Variants in TNFAIP8 observed in about 807,000 individuals in gnomAD.
TNFAIP8 encodes TNF alpha induced protein 8.
In TNFAIP8, 7 loss-of-function variants were observed where a neutral mutation model predicts 13.3. The observed-to-expected ratio is 0.52, with a 90% confidence interval of 0.30 to 0.99. The LOEUF (loss-of-function observed/expected upper bound fraction) is 0.99. Ranked by LOEUF, TNFAIP8 falls within the 50% of genes least tolerant of loss-of-function variation. TNFAIP8 has a pLI of 0.07. For missense variants in TNFAIP8, 258 were observed against 236.9 expected (o/e 1.09, Z -0.58); for synonymous variants, 94 against 87.6 (o/e 1.07, Z -0.41).
At chr5:119,331,547 C>T (rs571815895) in intron 1 of TNFAIP8, among the ~76,000 whole-genome samples, 2 of 152,162 alleles carry the variant, frequency 1.3e-5, no homozygotes, top group African/African-American at 2.4e-5. Flanking sequence ...GAGTTTCCTG[C>T]TGGGTGTAGA....
chr5:119,325,486 C>T (rs1057458894), intron 1 of TNFAIP8, among the ~76,000 whole-genome samples: 7 of 152,168 alleles, frequency 4.6e-5, no homozygotes, highest in African/African-American at 9.7e-5. Flanking sequence ...CTCACTCTGT[C>T]GCCCAGGCTG....
At chr5:119,375,529 C>T (rs976763062) in intron 1 of TNFAIP8, among the ~76,000 whole-genome samples, 3 of 152,200 alleles carry the variant, frequency 2.0e-5, no homozygotes, top group Non-Finnish European at 4.4e-5. Context: ...AGTAATTAAT[C>T]TTCAAGACAG....
At chr5:119,366,055 G>C (rs1751840716) in intron 1 of TNFAIP8, among the ~76,000 whole-genome samples, 2 of 152,084 alleles carry the variant, frequency 1.3e-5, no homozygotes, top group South Asian at 4.2e-4. Flanking sequence ...GAGCAACAGG[G>C]TGGGTGGGAT....
chr5:119,348,166 G>C (rs1371867261), intron 1 of TNFAIP8, among the ~76,000 whole-genome samples: 1 of 152,170 alleles, frequency 6.6e-6, no homozygotes, highest in Non-Finnish European at 1.5e-5. Context: ...TGGGTGTCTT[G>C]AGCAGAGCTG....
intron 1 of TNFAIP8, among the ~76,000 whole-genome samples, chr5:119,342,959 C>T (rs1436917060): frequency 6.6e-6 from 1 of 152,144 alleles, no homozygotes; most frequent in African/African-American, 2.4e-5. Flanking sequence ...GGTCCAGTGC[C>T]GGATGTTAGT....
At chr5:119,341,526 G>A (rs905075716) in intron 1 of TNFAIP8, among the ~76,000 whole-genome samples, 1 of 152,218 alleles carries the variant, frequency 6.6e-6, no homozygotes, top group Non-Finnish European at 1.5e-5. Context: ...TGCTGTGTTT[G>A]CTCAGTCTCA....
At chr5:119,325,548 C>T (rs539548302) in intron 1 of TNFAIP8, among the ~76,000 whole-genome samples, 7 of 152,206 alleles carry the variant, frequency 4.6e-5, no homozygotes, top group Non-Finnish European at 8.8e-5. Flanking sequence ...CCCGGGCTCA[C>T]GCCATTCTCC....
intron 1 of TNFAIP8, among the ~76,000 whole-genome samples, chr5:119,382,053 G>C (rs1752508362): frequency 6.6e-6 from 1 of 152,162 alleles, no homozygotes; most frequent in African/African-American, 2.4e-5. Flanking sequence ...TTGGGTTTCT[G>C]ACATATAGGT....
At chr5:119,392,481 C>T (rs1752929695) in intron 1 of TNFAIP8, among the ~76,000 whole-genome samples, 1 of 152,106 alleles carries the variant, frequency 6.6e-6, no homozygotes, top group South Asian at 2.1e-4. Flanking sequence ...GCCTCCGCCT[C>T]CTGGGTTCAA....
At chr5:119,376,234 C>T (rs1752276022) in intron 1 of TNFAIP8, among the ~76,000 whole-genome samples, 2 of 151,988 alleles carry the variant, frequency 1.3e-5, no homozygotes, top group South Asian at 2.1e-4. Context: ...CCCACCTTAG[C>T]CTCCTGAGTA....
Position 119,395,360 on chromosome 5 carries a change from C to T in TNFAIP8, c.*1979C>T, listed in dbSNP as rs1162690478. On this transcript the variant is annotated 3_prime_UTR_variant, in exon 2 of 2. Coordinates refer to ENST00000504771, the MANE Select transcript of TNFAIP8 (RefSeq NM_014350.4). ...AGCTACTGACTGGATGTGTTCTGTT[C>T]TCCAGATCTCAAACAGCAGAGGTAT... 6.6e-6 allele frequency: 1 copy of T among 152,230 alleles called. No individual in the cohort carries two copies. The highest frequency in any genetic ancestry group is 1.5e-5 in the Non-Finnish European group (1 of 68,104). The allele number at this position is 152,230 out of a possible 1,614,324, so 9.4% of individuals were successfully genotyped here. A position where few individuals can be genotyped will look rare whatever the true frequency, so the allele number is the denominator to read the frequency against.
intron 1 of TNFAIP8, among the ~76,000 whole-genome samples, chr5:119,388,219 A>T (rs1752751756): frequency 6.6e-6 from 1 of 152,202 alleles, no homozygotes; most frequent in Non-Finnish European, 1.5e-5. Context: ...TCTCCTCTTT[A>T]AAAGAACTGG....
At chr5:119,352,097 A>G (rs574928428), upstream of TNFAIP8, among the ~76,000 whole-genome samples, 1 of 152,048 alleles carries the variant, frequency 6.6e-6, no homozygotes, top group African/African-American at 2.4e-5. Flanking sequence ...CATAAATACC[A>G]TTTTCTTAAG....
chr5:119,291,729 A>C (rs891603105), intron 1 of TNFAIP8, among the ~76,000 whole-genome samples: 1 of 152,262 alleles, frequency 6.6e-6, no homozygotes, highest in African/African-American at 2.4e-5. Context: ...TGAATGGAAT[A>C]GTCATTCATT....
intron 1 of TNFAIP8, among the ~76,000 whole-genome samples, chr5:119,347,985 T>C (rs1307365389): frequency 6.6e-6 from 1 of 152,226 alleles, no homozygotes; most frequent in African/African-American, 2.4e-5. Flanking sequence ...ATTCCACAAA[T>C]GGAGTACTAC....
rs1435301221 is a variant in TNFAIP8, at chr5:119,394,035, T to C, written c.*654T>C. 6.6e-6 allele frequency: 1 copy of C among 152,242 alleles called. No individual in the cohort carries two copies. The highest frequency in any genetic ancestry group is 6.5e-5 in the Admixed American group (1 of 15,284). 9.4% of individuals were successfully genotyped at this position (152,242 alleles called of 1,614,324 possible). On this transcript the variant is annotated 3_prime_UTR_variant, in exon 2 of 2. Coordinates refer to ENST00000504771, the MANE Select transcript of TNFAIP8 (RefSeq NM_014350.4). Reference sequence around the variant, plus strand: ...TCTGGAATTGAGTTCTCCTTTTAAGTACCAATGATACTTAAATTTCTCAGA... The same window carrying C: ...TCTGGAATTGAGTTCTCCTTTTAAGCACCAATGATACTTAAATTTCTCAGA...
chr5:119,278,825 A>G (rs551589313), intron 1 of TNFAIP8, among the ~76,000 whole-genome samples: 3 of 152,352 alleles, frequency 2.0e-5, no homozygotes, highest in African/African-American at 4.8e-5. Flanking sequence ...TCACATATAC[A>G]TAATTACTAC....
intron 1 of TNFAIP8, among the ~76,000 whole-genome samples, chr5:119,368,064 T>G (rs1262145182): frequency 6.6e-6 from 1 of 152,242 alleles, no homozygotes; most frequent in Non-Finnish European, 1.5e-5. Flanking sequence ...AATGTTTCCC[T>G]GCCTGTAAAG....
At chr5:119,321,122 C>G (rs1003347030) in intron 1 of TNFAIP8, among the ~76,000 whole-genome samples, 2 of 152,088 alleles carry the variant, frequency 1.3e-5, no homozygotes. Context: ...GAGGCTGAGG[C>G]AGGAGAATGG....
Sources: gnomAD v4.1 joint callset for allele counts (sites outside exome capture counted in the v4.1 genomes callset) on GRCh38, gnomAD v4.1.1 for gene constraint, MANE v1.5 for transcripts, NCBI Gene and HGNC (gene_info 2026-07-23, HGNC 2026-07-21) for gene names.